Variants in VPS35L observed in about 807,000 individuals in gnomAD.
VPS35L encodes the protein VPS35 endosomal protein sorting factor like.
Under a neutral mutation model 133.0 loss-of-function variants are expected in VPS35L, and 83 were observed. The ratio of observed to expected loss-of-function variants is 0.62; its 90% CI spans 0.52 to 0.75. The LOEUF is 0.75. Among genes scored for constraint, VPS35L ranks in the 30% least tolerant of loss-of-function variants. The probability of loss-of-function intolerance (pLI) is 0.00; values close to 1 mark genes in which losing one functional copy is unlikely to be tolerated. For synonymous variants in VPS35L, 423 were observed against 449.9 expected (o/e 0.94, Z 0.76); for missense variants, 1,083 against 1,206.8 (o/e 0.90, Z 1.52).
At chr16:19,608,663 C>T in intron 10 of VPS35L, 1 of 402,708 alleles carries the variant, frequency 2.5e-6, no homozygotes, top group Non-Finnish European at 4.4e-6. Context: ...TACATAAATT[C>T]CATCTTAGTT....
intron 28 of VPS35L, among the ~76,000 whole-genome samples, chr16:19,688,015 C>T (rs1011744204): frequency 1.3e-5 from 2 of 152,192 alleles, no homozygotes; most frequent in African/African-American, 4.8e-5. Context: ...CAACATCTGC[C>T]TCCTGGGCTC....
intron 5 of VPS35L, among the ~76,000 whole-genome samples, chr16:19,577,992 A>G (rs1383392902): frequency 6.6e-6 from 1 of 152,174 alleles, no homozygotes; most frequent in Non-Finnish European, 1.5e-5. Flanking sequence ...GGATTAACAC[A>G]ATGAGCCAAC....
At chr16:19,617,205 A>C (rs1461284042) in intron 14 of VPS35L, 3 of 489,028 alleles carry the variant, frequency 6.1e-6, no homozygotes, top group Non-Finnish European at 1.1e-5. Context: ...AAAAATAGAA[A>C]AAATTAGCCA....
chr16:19,631,402 G>A (rs1271898379), intron 18 of VPS35L, among the ~76,000 whole-genome samples: 1 of 151,990 alleles, frequency 6.6e-6, no homozygotes, highest in Non-Finnish European at 1.5e-5. Flanking sequence ...GGAGGTGAAG[G>A]TAGACACCAT....
Position 19,608,176 on chromosome 16 carries a change from A to G in VPS35L, c.785-2A>G. ...TGATGGATCTTGTTTTTTGTATTAC[A>G]GATCACTTTTCTCCAGAGAATGCAA... On this transcript the variant is annotated splice_acceptor_variant, in intron 9 of 30. Coordinates refer to ENST00000417362, the MANE Select transcript of VPS35L (RefSeq NM_020314.7). LOFTEE classifies it high-confidence loss of function. 1.9e-6 allele frequency: 3 copies of G among 1,610,192 alleles called. No homozygotes were observed. The highest frequency in any genetic ancestry group is 2.5e-6 in the Non-Finnish European group (3 of 1,176,496).
At chr16:19,608,340 A>G (rs758423087) in intron 10 of VPS35L, 66 bp downstream of exon 10, 414 of 1,226,456 alleles carry the variant, frequency 3.4e-4, no homozygotes, top group Non-Finnish European at 4.6e-4. Flanking sequence ...TACTGTTAAT[A>G]GAAGCCATGT....
chr16:19,579,983 T>A (rs561111875), intron 6 of VPS35L: 1 of 151,754 alleles, frequency 6.6e-6, no homozygotes, highest in African/African-American at 2.4e-5. Context: ...GTGGATCTCC[T>A]GAGGTCAGGA....
chr16:19,573,123 G>C lies in VPS35L; in HGVS notation c.290G>C (p.Ser97Thr), dbSNP rs139739334. 19 of 1,613,436 alleles carry C rather than the reference G, an allele frequency of 1.2e-5. No individual in the cohort carries two copies. The East Asian group carries it at 3.8e-4, about 32-fold the overall frequency. ...GATTATCTTGCCTTTCTTTAGGACA[G>C]CTCCAGAAGGAAACGTGATAGAGAT... ...DPAALAAAMD[S>T]SRRKRDRDDN... The change falls in exon 4 of 31, where the codon AGC becomes ACC. Residue 97 changes from serine (S) to threonine (T), a missense_variant. By Grantham distance (58) the Ser-to-Thr change is moderately conservative. Transcript: ENST00000417362.
chr16:19,650,495 C>T lies in VPS35L; in HGVS notation c.2106+36C>T, dbSNP rs370222360. ...AAGATAAGGACTGTTGGACCTCGAA[C>T]TCCAGTGGGCTGTTTAGTTTGCAGG... On this transcript the variant is annotated intron_variant, in intron 25 of 30. Coordinates refer to ENST00000417362, the MANE Select transcript of VPS35L (RefSeq NM_020314.7). 4.0e-6 allele frequency: 6 copies of T among 1,498,184 alleles called. No homozygotes were observed. The South Asian group carries it at 4.5e-5, about 11-fold the overall frequency. 92.8% of individuals were successfully genotyped at this position (1,498,184 alleles called of 1,614,324 possible).
At chr16:19,608,313 A>G (rs774923651) in intron 10 of VPS35L, 39 bp downstream of exon 10, 81 of 1,393,998 alleles carry the variant, frequency 5.8e-5, no homozygotes, top group Non-Finnish European at 7.0e-5. Context: ...GATTTTAAAG[A>G]TAGGCTAAAA....
rs1974143351 is a variant in VPS35L, at chr16:19,651,990, C to T, written c.2121C>T (p.Tyr707=). The T allele has an allele frequency of 2.5e-6, 4 of 1,610,452 alleles. No homozygotes were observed. Among genetic ancestry groups the T allele is most frequent in the African/African-American group, 1.3e-5 (1 of 74,968 alleles). The change falls in exon 26 of 31, where the codon TAC becomes TAT. Residue 707 remains tyrosine, a synonymous_variant. Transcript: ENST00000417362. ...CCTTCTCCTAGGCCTGTGTTGCCTA[C>T]TGCTTCATCACCATCCCCTCCCTGG... ...TAAFVRACVA[Y]CFITIPSLAG...
In VPS35L at chr16:19,591,885, G is replaced by A; in HGVS notation, c.724+11G>A. Reference sequence around the variant, plus strand: ...TACTTGATACATTTGGTAAGTACCTGTCATATGCATCTTAGATCTAGGAAA... The same window carrying A: ...TACTTGATACATTTGGTAAGTACCTATCATATGCATCTTAGATCTAGGAAA... On this transcript the variant is annotated intron_variant, in intron 8 of 30. Coordinates refer to ENST00000417362, the MANE Select transcript of VPS35L (RefSeq NM_020314.7). The A allele has an allele frequency of 1.3e-6, 2 of 1,566,420 alleles. No homozygotes were observed. The highest frequency in any genetic ancestry group is 1.4e-5 in the African/African-American group (1 of 73,860).
At chr16:19,590,499 G>A (rs541081576) in intron 7 of VPS35L, among the ~76,000 whole-genome samples, 1 of 151,852 alleles carries the variant, frequency 6.6e-6, no homozygotes, top group Non-Finnish European at 1.5e-5. Context: ...AAGTCTTCAG[G>A]GCATGGCATT....
At chr16:19,588,946 G>T (rs923214589) in intron 7 of VPS35L, among the ~76,000 whole-genome samples, 3 of 152,120 alleles carry the variant, frequency 2.0e-5, no homozygotes, top group Non-Finnish European at 4.4e-5. Context: ...CCACCATTTG[G>T]TATGAGCAGA....
chr16:19,578,527 C>T (rs1444808392), intron 5 of VPS35L, among the ~76,000 whole-genome samples: 1 of 152,192 alleles, frequency 6.6e-6, no homozygotes, highest in Non-Finnish European at 1.5e-5. Context: ...TCCACCAGTC[C>T]CTGCTGATGG....
chr16:19,626,224 G>GT lies in VPS35L; in HGVS notation c.1271+2dup. The GT allele has an allele frequency of 6.3e-7, 1 of 1,597,994 alleles. No homozygotes were observed. The highest frequency in any genetic ancestry group is 2.2e-5 in the East Asian group (1 of 44,606). On this transcript the variant is annotated splice_donor_variant, in intron 15 of 30. Transcript: ENST00000417362. LOFTEE classifies it high-confidence loss of function. ...AAAGGTGTAAGAAACTAGGAAACAA[G>GT]TAAGTATTTTAAGATTCATAAAGCA...
intron 29 of VPS35L, chr16:19,694,384 G>A (rs1405420447): frequency 6.6e-6 from 1 of 151,760 alleles, no homozygotes; most frequent in East Asian, 1.9e-4. Context: ...TCAGGAGAGA[G>A]CCCTTTCAGC....
chr16:19,598,962 T>G (rs1261553511), intron 8 of VPS35L, among the ~76,000 whole-genome samples: 1 of 152,190 alleles, frequency 6.6e-6, no homozygotes, highest in Non-Finnish European at 1.5e-5. Context: ...TGCTGTGTGA[T>G]GGTCCGAGGT....
chr16:19,699,558 T>C lies in VPS35L; in HGVS notation c.2703T>C (p.His901=). The part of the protein sequence containing the change: ...GLSFFNSILA[H]GDLRNNKLNQ... The stretch of plus-strand genomic sequence containing the variant: ...CCTTCTTTAACAGCATCTTGGCCCA[T>C]GGGGACCTACGCAACAACAAGCTCA... The change falls in exon 30 of 31, where the codon CAT becomes CAC. Residue 901 remains histidine, a synonymous_variant. Coordinates refer to ENST00000417362, the MANE Select transcript of VPS35L (RefSeq NM_020314.7). This position sits in a 1 kb window ranked among gnomAD's most constrained non-coding sequence, Gnocchi z 4.2. 2 of 1,614,190 alleles carry C rather than the reference T, an allele frequency of 1.2e-6. No individual in the cohort carries two copies. Among genetic ancestry groups the C allele is most frequent in the South Asian group, 1.1e-5 (1 of 91,090 alleles).
Sources: gnomAD v4.1 joint callset for allele counts (sites outside exome capture counted in the v4.1 genomes callset) on GRCh38, gnomAD v4.1.1 for gene constraint, Gnocchi (gnomAD v3.1) non-coding constraint, MANE v1.5 for transcripts, NCBI Gene and HGNC (gene_info 2026-07-23, HGNC 2026-07-21) for gene names.